Variants in DDX6 observed in about 807,000 individuals in gnomAD.
DDX6 encodes the protein probable ATP-dependent RNA helicase DDX6.
A neutral mutation model predicts 60.6 loss-of-function variants in DDX6; 7 were observed. The ratio of observed to expected loss-of-function variants is 0.12; its 90% CI spans 0.07 to 0.22. The LOEUF (loss-of-function observed/expected upper bound fraction) is 0.22, where lower values mean the gene tolerates loss of function less well. DDX6 is among the 10% of genes least tolerant of loss of function. The probability of loss-of-function intolerance (pLI) is 1.00; values close to 1 mark genes in which losing one functional copy is unlikely to be tolerated. For missense variants in DDX6, 270 were observed against 589.9 expected (o/e 0.46, Z 5.62); for synonymous variants, 207 against 201.0 (o/e 1.03, Z -0.25).
At chr11:118,779,514 A>C in intron 4 of DDX6, 118 bp downstream of exon 4, 2 of 600,996 alleles carry the variant, frequency 3.3e-6, no homozygotes, top group South Asian at 5.2e-5. Context: ...ATTTCAGAAA[A>C]AGTGTGTATA....
intron 2 of DDX6, among the ~76,000 whole-genome samples, chr11:118,785,012 C>T (rs889585556): frequency 6.6e-6 from 1 of 152,210 alleles, no homozygotes; most frequent in African/African-American, 2.4e-5. Context: ...AGGTGATCCG[C>T]CCACCTTGGC....
At chr11:118,766,181 C>T (rs1165806272) in intron 5 of DDX6, among the ~76,000 whole-genome samples, 2 of 151,688 alleles carry the variant, frequency 1.3e-5, no homozygotes, top group Non-Finnish European at 2.9e-5. Context: ...AATCCCAGCA[C>T]TTTTGGAGGC....
At chr11:118,763,838 T>TAAAAAAAAAA (rs58341763) in intron 6 of DDX6, among the ~76,000 whole-genome samples, 2 of 134,374 alleles carry the variant, frequency 1.5e-5, no homozygotes, top group African/African-American at 2.8e-5. Flanking sequence ...TGTCTCAAAT[T>TAAAAAAAAAA]AAAAAAAAAA....
At chr11:118,780,250 A>C (rs988506438) in intron 3 of DDX6, among the ~76,000 whole-genome samples, 2 of 151,896 alleles carry the variant, frequency 1.3e-5, no homozygotes, top group Non-Finnish European at 2.9e-5. Flanking sequence ...AAGAAAAACC[A>C]CTGTCCCTGC....
At position 118,786,324 on chromosome 11, in the gene DDX6, TATTAGG is replaced by T; in HGVS notation, c.-79_-74del. 1.5e-6 allele frequency: 2 copies of T among 1,301,082 alleles called. No individual in the cohort carries two copies. The highest frequency in any genetic ancestry group is 2.1e-6 in the Non-Finnish European group (2 of 941,068). The allele number at this position is 1,301,082 out of a possible 1,614,324, so 80.6% of individuals were successfully genotyped here. ...CAGTAGAGAAACTGTAATAACAGTT[TATTAGG>T]CTCTCCAAAATGAAGAGATAAATAT... On this transcript the variant is annotated 5_prime_UTR_variant, in exon 2 of 14. Coordinates refer to ENST00000534980, the MANE Select transcript of DDX6 (RefSeq NM_004397.6).
At chr11:118,765,503 A>C (rs1256744888) in intron 5 of DDX6, 148 bp from the exon 6 acceptor site, 2 of 838,838 alleles carry the variant, frequency 2.4e-6, no homozygotes, top group East Asian at 2.5e-5. Flanking sequence ...CTTATGATGC[A>C]GTGGCTCACG....
intron 13 of DDX6, among the ~76,000 whole-genome samples, chr11:118,754,018 A>T (rs1423012163): frequency 6.6e-6 from 1 of 152,128 alleles, no homozygotes; most frequent in Non-Finnish European, 1.5e-5. Flanking sequence ...GAATCGCTTG[A>T]ACCTGGGAGG....
intron 2 of DDX6, among the ~76,000 whole-genome samples, chr11:118,784,125 A>T (rs1354023648): frequency 6.6e-6 from 1 of 150,966 alleles, no homozygotes; most frequent in Non-Finnish European, 1.5e-5. Context: ...AATTAAAAAT[A>T]GTCTAAATTT....
At chr11:118,786,644 G>GACC (rs1862084404) in intron 1 of DDX6, 126 bp from the exon 2 acceptor site, 1 of 178,590 alleles carries the variant, frequency 5.6e-6, no homozygotes, top group South Asian at 2.0e-4. Context: ...GCTACACTTA[G>GACC]ACCAAATCAC....
intron 5 of DDX6, among the ~76,000 whole-genome samples, chr11:118,766,697 A>G (rs879956136): frequency 2.6e-5 from 4 of 152,008 alleles, no homozygotes; most frequent in Non-Finnish European, 5.9e-5. Context: ...AGGTTCAAGC[A>G]ATTCTCCTGC....
At chr11:118,754,541 A>C in intron 13 of DDX6, 164 bp downstream of exon 13, 1 of 570,976 alleles carries the variant, frequency 1.8e-6, no homozygotes, top group South Asian at 2.8e-5. Flanking sequence ...CTCGAATGAG[A>C]CTACAACCTC....
chr11:118,757,125 AAG>A (rs782181561), intron 10 of DDX6, 44 bp downstream of exon 10: 23 of 996,860 alleles, frequency 2.3e-5, no homozygotes, highest in African/African-American at 3.4e-5. Context: ...AAAATAAAGA[AAG>A]AGATTTCTTA....
chr11:118,773,781 G>A (rs529827646), intron 4 of DDX6, among the ~76,000 whole-genome samples: 1 of 151,368 alleles, frequency 6.6e-6, no homozygotes, highest in African/African-American at 2.4e-5. Flanking sequence ...TTGAGGCCAG[G>A]AGTTCAAGAC....
At chr11:118,755,905 C>G (rs1860951353) in intron 11 of DDX6, among the ~76,000 whole-genome samples, 1 of 151,828 alleles carries the variant, frequency 6.6e-6, no homozygotes, top group Non-Finnish European at 1.5e-5. Context: ...ACAATCCCAG[C>G]TACTTGGGAG....
At chr11:118,767,931 G>A (rs1457375731) in intron 5 of DDX6, 2 of 226,694 alleles carry the variant, frequency 8.8e-6, no homozygotes, top group Admixed American at 1.1e-4. Flanking sequence ...ACCGTGCCCA[G>A]CCTCAGCTTT....
At chr11:118,770,903 G>GAGAAA (rs1160991190) in intron 4 of DDX6, among the ~76,000 whole-genome samples, 5 of 151,002 alleles carry the variant, frequency 3.3e-5, no homozygotes, top group African/African-American at 7.3e-5. Flanking sequence ...AAAAAAGAGA[G>GAGAAA]AGAAAAGAAA....
chr11:118,782,970 T>C (rs1861949303), intron 2 of DDX6, among the ~76,000 whole-genome samples: 1 of 152,226 alleles, frequency 6.6e-6, no homozygotes, highest in Admixed American at 6.5e-5. Flanking sequence ...TCGAAGTTTC[T>C]GATGTCAGTT....
intron 6 of DDX6, 129 bp downstream of exon 6, chr11:118,765,080 T>G: frequency 1.6e-5 from 17 of 1,065,980 alleles, no homozygotes; most frequent in South Asian, 8.3e-5. Context: ...TTGAATGCAG[T>G]GGTCATTTCC....
intron 3 of DDX6, among the ~76,000 whole-genome samples, chr11:118,780,499 TAG>T (rs1861859460): frequency 6.6e-6 from 1 of 152,144 alleles, no homozygotes; most frequent in African/African-American, 2.4e-5. Context: ...GTATTTTTAG[TAG>T]AGACAGGGTT....
Sources: gnomAD v4.1 joint callset for allele counts (sites outside exome capture counted in the v4.1 genomes callset) on GRCh38, gnomAD v4.1.1 for gene constraint, MANE v1.5 for transcripts, NCBI Gene and HGNC (gene_info 2026-07-23, HGNC 2026-07-21) for gene names.